Variants in GRIK2 observed in about 807,000 individuals in gnomAD.
GRIK2 encodes the protein glutamate ionotropic receptor kainate type subunit 2.
Under a neutral mutation model 100.3 loss-of-function variants are expected in GRIK2, and 32 were observed. That is an observed-to-expected ratio of 0.32 (90% CI 0.24 to 0.43). The LOEUF (loss-of-function observed/expected upper bound fraction) is 0.43. GRIK2 is among the 20% of genes least tolerant of loss of function. The pLI is 1.00. For synonymous variants in GRIK2, 417 were observed against 389.4 expected (o/e 1.07, Z -0.83); for missense variants, 843 against 1,114.9 (o/e 0.76, Z 3.47).
chr6:101,678,826 C>T (rs1001695702), intron 5 of GRIK2, among the ~76,000 whole-genome samples: 7 of 152,214 alleles, frequency 4.6e-5, no homozygotes, highest in East Asian at 3.9e-4. Flanking sequence ...TACTCTTGTG[C>T]GTTTGTTTGT....
At chr6:101,535,344 CAG>C (rs1021517636) in intron 2 of GRIK2, among the ~76,000 whole-genome samples, 5 of 151,660 alleles carry the variant, frequency 3.3e-5, no homozygotes, top group African/African-American at 9.7e-5. Flanking sequence ...TGTCAACTAA[CAG>C]AATATAACTG....
chr6:101,512,147 G>C (rs1178626831), intron 2 of GRIK2, among the ~76,000 whole-genome samples: 1 of 150,612 alleles, frequency 6.6e-6, no homozygotes, highest in East Asian at 1.9e-4. Context: ...TTATATACCT[G>C]TTCTATATTA....
At chr6:101,676,199 T>C (rs369425402) in intron 4 of GRIK2, among the ~76,000 whole-genome samples, 1 of 152,312 alleles carries the variant, frequency 6.6e-6, no homozygotes, top group African/African-American at 2.4e-5. Flanking sequence ...AAGCCTTTAA[T>C]AGTGACAGCC....
chr6:101,967,929 C>T (rs1483463715), intron 14 of GRIK2, among the ~76,000 whole-genome samples: 3 of 151,696 alleles, frequency 2.0e-5, no homozygotes, highest in Non-Finnish European at 4.4e-5. Context: ...CAACCCCTCC[C>T]ACCCCCCACC....
intron 12 of GRIK2, among the ~76,000 whole-genome samples, chr6:101,902,877 A>G (rs1228183907): frequency 6.6e-6 from 1 of 151,916 alleles, no homozygotes; most frequent in African/African-American, 2.4e-5. Context: ...CTCGCGGGTA[A>G]TAGGAAACTT....
At chr6:101,683,315 A>T (rs1771428787) in intron 6 of GRIK2, among the ~76,000 whole-genome samples, 1 of 152,164 alleles carries the variant, frequency 6.6e-6, no homozygotes, top group African/African-American at 2.4e-5. Context: ...AGTAGATTAC[A>T]TTTTCTATTC....
intron 2 of GRIK2, among the ~76,000 whole-genome samples, chr6:101,506,221 C>T (rs1774019175): frequency 6.6e-6 from 1 of 152,150 alleles, no homozygotes; most frequent in East Asian, 1.9e-4. Flanking sequence ...AAGTTAAAAA[C>T]ACTGTTCATG....
At chr6:101,725,515 T>C (rs902077100) in intron 7 of GRIK2, among the ~76,000 whole-genome samples, 45 of 151,976 alleles carry the variant, frequency 3.0e-4, no homozygotes, top group African/African-American at 1.0e-3. Flanking sequence ...TGTGGGACAA[T>C]AGACACATTG....
intron 4 of GRIK2, among the ~76,000 whole-genome samples, chr6:101,649,967 A>T (rs993909164): frequency 6.6e-6 from 1 of 152,058 alleles, no homozygotes. Flanking sequence ...CCATCTCTAG[A>T]TCTTCTAGAA....
intron 12 of GRIK2, among the ~76,000 whole-genome samples, chr6:101,897,914 A>C (rs528234829): frequency 6.6e-6 from 1 of 151,814 alleles, no homozygotes; most frequent in Non-Finnish European, 1.5e-5. Context: ...TTTTGCTGTA[A>C]ATTATTTGGG....
chr6:101,800,734 T>G (rs1780617165), intron 8 of GRIK2, among the ~76,000 whole-genome samples: 1 of 152,088 alleles, frequency 6.6e-6, no homozygotes, highest in African/African-American at 2.4e-5. Context: ...TTGCCCCATA[T>G]TCTAACATTT....
intron 2 of GRIK2, among the ~76,000 whole-genome samples, chr6:101,444,378 T>A (rs1770249307): frequency 6.6e-6 from 1 of 152,110 alleles, no homozygotes; most frequent in South Asian, 2.1e-4. Flanking sequence ...TATTAAGTAA[T>A]ATATTCAATT....
chr6:101,955,615 T>TCTCTCTCTCTCTCTCC (rs1405718742), intron 14 of GRIK2, among the ~76,000 whole-genome samples: 6 of 93,138 alleles, frequency 6.4e-5, no homozygotes, highest in Admixed American at 5.2e-4. Context: ...TCTCTCTCTC[T>TCTCTCTCTCTCTCTCC]CCCCCCCATT....
chr6:101,914,244 G>T (rs1788948457), intron 12 of GRIK2, among the ~76,000 whole-genome samples: 1 of 151,274 alleles, frequency 6.6e-6, no homozygotes, highest in Non-Finnish European at 1.5e-5. Flanking sequence ...CTGGATTGTG[G>T]GACAATGCTT....
chr6:101,395,453 T>C (rs912802405), intron 1 of GRIK2, among the ~76,000 whole-genome samples: 4 of 152,228 alleles, frequency 2.6e-5, no homozygotes, highest in Admixed American at 1.3e-4. Context: ...CTGGGGTATG[T>C]ATTTGCTGTT....
chr6:101,967,978 G>T (rs916872379), intron 14 of GRIK2, among the ~76,000 whole-genome samples: 1 of 151,798 alleles, frequency 6.6e-6, no homozygotes, highest in East Asian at 2.0e-4. Flanking sequence ...AAAAGAACTG[G>T]AGAGTCAGGA....
intron 7 of GRIK2, among the ~76,000 whole-genome samples, chr6:101,799,293 G>A (rs185148919): frequency 6.7e-6 from 1 of 149,036 alleles, no homozygotes; most frequent in Non-Finnish European, 1.5e-5. Flanking sequence ...GTGTGTGTGT[G>A]TGTGTGTGTG....
intron 7 of GRIK2, among the ~76,000 whole-genome samples, chr6:101,794,145 C>G (rs1010662391): frequency 6.6e-5 from 10 of 152,258 alleles, no homozygotes; most frequent in Non-Finnish European, 1.0e-4. Context: ...AGGGAACTCC[C>G]TGACCCCTTG....
chr6:102,013,323 G>A (rs1426676229), intron 14 of GRIK2, among the ~76,000 whole-genome samples: 1 of 152,082 alleles, frequency 6.6e-6, no homozygotes, highest in Non-Finnish European at 1.5e-5. Context: ...CCAACTTATT[G>A]AGCTTTTGGG....
Sources: gnomAD v4.1 joint callset for allele counts (sites outside exome capture counted in the v4.1 genomes callset) on GRCh38, gnomAD v4.1.1 for gene constraint, MANE v1.5 for transcripts, NCBI Gene and HGNC (gene_info 2026-07-23, HGNC 2026-07-21) for gene names.